The following RIMS1 variants were observed in gnomAD, a reference collection of about 807,000 sequenced individuals.
RIMS1 encodes regulating synaptic membrane exocytosis 1.
Under a neutral mutation model 214.1 loss-of-function variants are expected in RIMS1, and 83 were observed. The ratio of observed to expected loss-of-function variants is 0.39; its 90% confidence interval spans 0.32 to 0.47. RIMS1 has a LOEUF of 0.47. RIMS1 is among the 20% of genes least tolerant of loss of function. The probability of loss-of-function intolerance (pLI) is 0.99; values close to 1 mark genes in which losing one functional copy is unlikely to be tolerated. For synonymous variants in RIMS1, 793 were observed against 786.8 expected (o/e 1.01, Z -0.13); for missense variants, 2,050 against 2,161.8 (o/e 0.95, Z 1.03).
At chr6:72,071,840 A>G (rs903918164) in intron 2 of RIMS1, among the ~76,000 whole-genome samples, 1 of 152,190 alleles carries the variant, frequency 6.6e-6, no homozygotes, top group Non-Finnish European at 1.5e-5. Flanking sequence ...GGGCTAAAAA[A>G]TCGTTCCAAA....
At chr6:72,071,650 T>A (rs1284330034) in intron 2 of RIMS1, among the ~76,000 whole-genome samples, 1 of 151,666 alleles carries the variant, frequency 6.6e-6, no homozygotes, top group East Asian at 1.9e-4. Flanking sequence ...TATGTGTCAG[T>A]TGTATGATTA....
Position 72,265,943 on chromosome 6 carries a change from C to CA in RIMS1, c.3309-15dup. ...TGTCTTTCTCTTCTACCACTGGATG[C>CA]AATGCACTGGCACTAGTGAACTGCA... On this transcript the variant is annotated splice_polypyrimidine_tract_variant and intron_variant, in intron 21 of 33. Coordinates refer to ENST00000521978, the MANE Select transcript of RIMS1 (RefSeq NM_014989.7). 6.5e-7 allele frequency: 1 copy of CA among 1,535,116 alleles called. No individual in the cohort carries two copies. The highest frequency in any genetic ancestry group is 8.9e-7 in the Non-Finnish European group (1 of 1,128,928).
chr6:72,368,390 C>G (rs1449104780), intron 29 of RIMS1, among the ~76,000 whole-genome samples: 3 of 150,064 alleles, frequency 2.0e-5, no homozygotes, highest in Non-Finnish European at 4.4e-5. Context: ...TAAGCTCCGC[C>G]TCACAGGTTC....
At chr6:72,158,630 A>G (rs952397571) in intron 4 of RIMS1, among the ~76,000 whole-genome samples, 10 of 125,892 alleles carry the variant, frequency 7.9e-5, no homozygotes, top group African/African-American at 2.7e-4. Flanking sequence ...TCATTGCTCA[A>G]TTCCCACCTA....
intron 3 of RIMS1, 137 bp from the exon 4 acceptor site, chr6:72,099,838 A>G (rs2033086626): frequency 4.4e-6 from 3 of 677,294 alleles, no homozygotes; most frequent in Non-Finnish European, 7.6e-6. Flanking sequence ...TTTACTTTTC[A>G]AAATAGTTGT....
At chr6:72,223,892 G>A (rs1386697057) in intron 6 of RIMS1, among the ~76,000 whole-genome samples, 1 of 145,746 alleles carries the variant, frequency 6.9e-6, no homozygotes, top group Non-Finnish European at 1.5e-5. Flanking sequence ...AGTTTGCAGT[G>A]AGCCGAGATC....
In RIMS1 at chr6:71,895,606, G is replaced by A. The variant is rs531264118; in HGVS notation, c.164+8419G>A. ...GGAGAATTTCTTGAACCCGGGAGGC[G>A]GAGGTTGCAGTAAGCTGAGATTGTG... On this transcript the variant is annotated intron_variant, in intron 1 of 33. Transcript: ENST00000521978. Among the ~76,000 whole-genome samples, 109 of 150,088 alleles carry A rather than the reference G, an allele frequency of 7.3e-4. 3 individuals are homozygous for A. The South Asian group carries it at 0.021, about 29-fold the overall frequency.
At chr6:71,944,413 GC>G (rs1787142367) in intron 1 of RIMS1, among the ~76,000 whole-genome samples, 1 of 152,166 alleles carries the variant, frequency 6.6e-6, no homozygotes, top group African/African-American at 2.4e-5. Context: ...TGGAGGACAA[GC>G]CGGCACTTGT....
chr6:72,058,347 A>C (rs949683898), intron 2 of RIMS1, among the ~76,000 whole-genome samples: 2 of 152,262 alleles, frequency 1.3e-5, no homozygotes, highest in African/African-American at 4.8e-5. Context: ...TCATTTAAAC[A>C]AAAGTTTACA....
intron 23 of RIMS1, among the ~76,000 whole-genome samples, chr6:72,277,008 A>G (rs35113769): frequency 0.075 from 11,459 of 152,274 alleles, 632 homozygotes; most frequent in East Asian, 0.28. Context: ...AATTTATACA[A>G]TTCAACTTTG....
At chr6:71,987,169 C>T (rs148120236) in intron 2 of RIMS1, among the ~76,000 whole-genome samples, 26 of 152,258 alleles carry the variant, frequency 1.7e-4, no homozygotes, top group African/African-American at 5.1e-4. Flanking sequence ...GCAATTGTTA[C>T]GTTATAAATG....
rs1194636006 is a variant in RIMS1, at chr6:72,159,906, G to T, written c.472-19669G>T. Among the ~76,000 whole-genome samples the T allele has an allele frequency of 2.9e-5, 4 of 139,840 alleles. 1 individual carries two copies. Among genetic ancestry groups the T allele is most frequent in the Non-Finnish European group, 6.5e-5 (4 of 61,652 alleles). The allele number at this position is 139,840 out of a possible 152,430, so 91.7% of individuals were successfully genotyped here. ...TTGGTTCCATGTGAACTTTAAAGTG[G>T]TTTTTTCCAATTCTGTCAAGAAAGT... On this transcript the variant is annotated intron_variant, in intron 4 of 33. Coordinates refer to ENST00000521978, the MANE Select transcript of RIMS1 (RefSeq NM_014989.7).
In RIMS1 at chr6:72,196,580, CTTTTTT is replaced by C. The variant is rs61651151; in HGVS notation, c.1678+13449_1678+13454del. 1.9e-4 allele frequency among the ~76,000 whole-genome samples: 11 copies of C among 57,206 alleles called. 1 individual carries two copies. Among genetic ancestry groups the C allele is most frequent in the East Asian group, 6.0e-4 (1 of 1,666 alleles). The allele number at this position is 57,206 out of a possible 152,430, so 37.5% of individuals were successfully genotyped here. A position where few individuals can be genotyped will look rare whatever the true frequency, so the allele number is the denominator to read the frequency against. ...AGTACTGTGCTGGCAGCCAGCTGCA[CTTTTTT>C]TTTTTTTTTTTTTTTTTACCTATAC... On this transcript the variant is annotated intron_variant, in intron 6 of 33. Coordinates refer to ENST00000521978, the MANE Select transcript of RIMS1 (RefSeq NM_014989.7).
intron 4 of RIMS1, among the ~76,000 whole-genome samples, chr6:72,159,666 T>C (rs1170743261): frequency 7.1e-6 from 1 of 140,630 alleles, no homozygotes; most frequent in African/African-American, 2.5e-5. Flanking sequence ...CCATTGCTTG[T>C]TTTTCTCAGG....
chr6:71,998,284 A>G (rs1804091383), intron 2 of RIMS1, among the ~76,000 whole-genome samples: 1 of 152,154 alleles, frequency 6.6e-6, no homozygotes, highest in Admixed American at 6.5e-5. Flanking sequence ...GGACATGTGC[A>G]TGGGTGGCTG....
chr6:72,380,720 T>C (rs898741099), intron 29 of RIMS1, among the ~76,000 whole-genome samples: 3 of 152,146 alleles, frequency 2.0e-5, no homozygotes, highest in African/African-American at 4.8e-5. Context: ...AAAATTGAGA[T>C]AGGGTCTCTC....
intron 4 of RIMS1, among the ~76,000 whole-genome samples, chr6:72,111,414 T>G (rs2036057531): frequency 6.6e-6 from 1 of 152,192 alleles, no homozygotes; most frequent in Non-Finnish European, 1.5e-5. Context: ...GATAGCAGGT[T>G]GTCCTGTTTT....
rs1186839399 is a variant in RIMS1, at chr6:72,257,198, T to TG, written c.2771-927_2771-926insG. ...ATGTTTTATGTAGTTGTAAATATAGTTTTTTTTTTTACTTTGGCCACATAA... is the reference window on the plus strand; with the variant it reads ...ATGTTTTATGTAGTTGTAAATATAGTGTTTTTTTTTTACTTTGGCCACATAA... On this transcript the variant is annotated intron_variant, in intron 16 of 33. Coordinates refer to ENST00000521978, the MANE Select transcript of RIMS1 (RefSeq NM_014989.7). Among the ~76,000 whole-genome samples, 16 of 15,326 alleles carry TG rather than the reference T, an allele frequency of 1.0e-3. No individual in the cohort carries two copies. The South Asian group carries it at 0.028, about 27-fold the overall frequency. The allele number at this position is 15,326 out of a possible 152,430, so 10.1% of individuals were successfully genotyped here.
intron 12 of RIMS1, among the ~76,000 whole-genome samples, chr6:72,249,512 G>A (rs544585564): frequency 8.5e-5 from 13 of 152,162 alleles, no homozygotes; most frequent in African/African-American, 3.1e-4. Context: ...ATTAAATGAC[G>A]GCTTGGTGCA....
Sources: gnomAD v4.1 joint callset for allele counts (sites outside exome capture counted in the v4.1 genomes callset) on GRCh38, gnomAD v4.1.1 for gene constraint, MANE v1.5 for transcripts, NCBI Gene and HGNC (gene_info 2026-07-23, HGNC 2026-07-21) for gene names.